Variants in NLN observed in about 807,000 individuals in gnomAD.
NLN encodes neurolysin, mitochondrial.
NLN carries 64 observed loss-of-function variants against 79.9 expected under a neutral mutation model. The ratio of observed to expected loss-of-function variants is 0.80; its 90% confidence interval spans 0.65 to 0.99. The LOEUF (loss-of-function observed/expected upper bound fraction) is 0.99. Ranked by LOEUF, NLN falls within the 50% of genes least tolerant of loss-of-function variation. The pLI, the probability that NLN is intolerant of heterozygous loss-of-function variation, is 0.00. For synonymous variants in NLN, 267 were observed against 296.6 expected (o/e 0.90, Z 1.02); for missense variants, 835 against 858.7 (o/e 0.97, Z 0.34).
intron 12 of NLN, among the ~76,000 whole-genome samples, chr5:65,820,592 C>G (rs983905269): frequency 2.6e-5 from 4 of 152,108 alleles, no homozygotes; most frequent in Non-Finnish European, 5.9e-5. Flanking sequence ...GGCTCAAGAG[C>G]CATGATATGC....
In NLN at chr5:65,792,462, A is replaced by G. The variant is rs1337551330; in HGVS notation, c.1334A>G (p.Lys445Arg). 6.2e-7 allele frequency: 1 copy of G among 1,612,556 alleles called. No individual in the cohort carries two copies. Among genetic ancestry groups the G allele is most frequent in the Non-Finnish European group, 8.5e-7 (1 of 1,178,858 alleles). The change falls in exon 9 of 13, where the codon AAA becomes AGA. Residue 445 changes from lysine (K) to arginine (R), a missense_variant. By Grantham distance (26) the Lys-to-Arg change is conservative (BLOSUM62 2). Transcript: ENST00000380985. The part of the protein sequence containing the change: ...FYLDLYPREG[K>R]YNHAACFGLQ... ...GTGTTTCTGGCTCCTAGGGAAGGAAAATACAATCATGCGGCCTGCTTCGGT... is the reference window on the plus strand; with the variant it reads ...GTGTTTCTGGCTCCTAGGGAAGGAAGATACAATCATGCGGCCTGCTTCGGT...
Position 65,828,461 on chromosome 5 carries a change from C to G in NLN, c.*5546C>G, listed in dbSNP as rs1760960739. ...TAAAAAAGAATTAGGGAAGTTCAGT[C>G]TGGAGATAATTCAGAAATACAGATG... On this transcript the variant is annotated 3_prime_UTR_variant, in exon 13 of 13. Coordinates refer to ENST00000380985, the MANE Select transcript of NLN (RefSeq NM_020726.5). The G allele has an allele frequency of 6.6e-6, 1 of 152,200 alleles. No homozygotes were observed. Among genetic ancestry groups the G allele is most frequent in the Non-Finnish European group, 1.5e-5 (1 of 68,038 alleles). The allele number at this position is 152,200 out of a possible 1,614,324, so 9.4% of individuals were successfully genotyped here.
chr5:65,797,652 G>A (rs990892511), intron 9 of NLN, among the ~76,000 whole-genome samples: 1 of 152,204 alleles, frequency 6.6e-6, no homozygotes, highest in African/African-American at 2.4e-5. Context: ...ATTAAACCAA[G>A]CATATGTGAA....
chr5:65,738,970 AATAT>A (rs572109765), intron 1 of NLN, among the ~76,000 whole-genome samples: 3,769 of 67,088 alleles, frequency 0.056, 254 homozygotes, highest in African/African-American at 0.19. Flanking sequence ...TGTATATATA[AATAT>A]ATATATTATA....
intron 9 of NLN, among the ~76,000 whole-genome samples, chr5:65,801,121 C>G (rs1760276671): frequency 6.6e-6 from 1 of 152,068 alleles, no homozygotes; most frequent in Non-Finnish European, 1.5e-5. Flanking sequence ...CCCTAAAACT[C>G]TTTGAAGTGT....
intron 3 of NLN, among the ~76,000 whole-genome samples, chr5:65,770,264 A>C (rs1437657477): frequency 1.3e-5 from 2 of 152,210 alleles, no homozygotes; most frequent in Non-Finnish European, 2.9e-5. Flanking sequence ...ATACTGAGAA[A>C]ATAACTTTAC....
At chr5:65,790,392 G>A (rs928001795) in intron 8 of NLN, among the ~76,000 whole-genome samples, 7 of 152,172 alleles carry the variant, frequency 4.6e-5, no homozygotes, top group South Asian at 2.1e-4. Context: ...ATTTATAAAG[G>A]AAAGAAGTTT....
chr5:65,788,714 G>A (rs1406550242), intron 8 of NLN, among the ~76,000 whole-genome samples: 1 of 152,170 alleles, frequency 6.6e-6, no homozygotes, highest in South Asian at 2.1e-4. Context: ...GCTCATGCCT[G>A]TAGTCCCAGC....
At position 65,749,086 on chromosome 5, in the gene NLN, C is replaced by T. The variant is rs138032104; in HGVS notation, c.42-9481C>T. On this transcript the variant is annotated intron_variant, in intron 1 of 12. Coordinates refer to ENST00000380985, the MANE Select transcript of NLN (RefSeq NM_020726.5). ...CTGCCATGTAAGATGTGACTTTGCTCCTCCTTCTCCTTCTGCTATGATTGT... is the reference window on the plus strand; with the variant it reads ...CTGCCATGTAAGATGTGACTTTGCTTCTCCTTCTCCTTCTGCTATGATTGT... 2.2e-4 allele frequency among the ~76,000 whole-genome samples: 34 copies of T among 152,326 alleles called. 2 individuals are homozygous for T. The highest frequency in any genetic ancestry group is 6.5e-4 in the African/African-American group (27 of 41,574).
chr5:65,801,055 T>G (rs1760275542), intron 9 of NLN, among the ~76,000 whole-genome samples: 1 of 152,064 alleles, frequency 6.6e-6, no homozygotes, highest in Admixed American at 6.6e-5. Context: ...GGAATCTAAG[T>G]TTACATTGTT....
chr5:65,742,526 C>T (rs1758893004), intron 1 of NLN, among the ~76,000 whole-genome samples: 1 of 152,068 alleles, frequency 6.6e-6, no homozygotes, highest in Non-Finnish European at 1.5e-5. Flanking sequence ...CCATATTTAG[C>T]GTAGTTCTTC....
chr5:65,780,374 A>C (rs554994949), intron 5 of NLN, 93 bp downstream of exon 5: 1 of 575,888 alleles, frequency 1.7e-6, no homozygotes, highest in East Asian at 3.2e-5. Flanking sequence ...CAAAATTTCT[A>C]AATCATAGTT....
chr5:65,728,813 G>C (rs960636615), intron 1 of NLN, among the ~76,000 whole-genome samples: 8 of 152,294 alleles, frequency 5.3e-5, no homozygotes, highest in Middle Eastern at 3.4e-3. Context: ...ATCTTAGAAA[G>C]TCAGACAAAT....
chr5:65,744,472 CTTT>C (rs199944194), intron 1 of NLN, among the ~76,000 whole-genome samples: 21 of 139,530 alleles, frequency 1.5e-4, no homozygotes, highest in Non-Finnish European at 1.6e-4. Flanking sequence ...TCTCTCTCCC[CTTT>C]TTTTTTTTTT....
chr5:65,793,517 A>C (rs1379381192), intron 9 of NLN: 1 of 152,316 alleles, frequency 6.6e-6, no homozygotes, highest in Non-Finnish European at 1.5e-5. Flanking sequence ...CTGTGGTCCC[A>C]GCTACTCGGG....
At chr5:65,735,422 A>C (rs770859232) in intron 1 of NLN, among the ~76,000 whole-genome samples, 1 of 152,012 alleles carries the variant, frequency 6.6e-6, no homozygotes, top group African/African-American at 2.4e-5. Flanking sequence ...CTTTTTTGCC[A>C]TTGTTCTTTG....
chr5:65,738,336 A>T (rs771415556), intron 1 of NLN, among the ~76,000 whole-genome samples: 16 of 151,842 alleles, frequency 1.1e-4, no homozygotes, highest in Non-Finnish European at 1.8e-4. Context: ...TAATCCCAGC[A>T]CTCCTAGGAG....
chr5:65,799,028 T>C (rs997527658), intron 9 of NLN, among the ~76,000 whole-genome samples: 7 of 152,090 alleles, frequency 4.6e-5, no homozygotes, highest in African/African-American at 1.7e-4. Flanking sequence ...ACCACAGGCA[T>C]GTACCACTAC....
intron 3 of NLN, among the ~76,000 whole-genome samples, chr5:65,774,276 A>C (rs1471136935): frequency 1.3e-5 from 2 of 152,184 alleles, no homozygotes; most frequent in East Asian, 3.8e-4. Flanking sequence ...ATAAGGTTCC[A>C]TACTGTCAGA....
Sources: allele counts gnomAD v4.1 joint callset (sites outside exome capture counted in the v4.1 genomes callset), GRCh38; gene constraint gnomAD v4.1.1; transcripts MANE v1.5; gene names NCBI Gene and HGNC (gene_info 2026-07-23, HGNC 2026-07-21).